Variants in CAMTA1 observed in about 807,000 individuals in gnomAD.
CAMTA1 encodes calmodulin-binding transcription activator 1.
In CAMTA1, 27 loss-of-function variants were observed where a neutral mutation model predicts 170.9. That is an observed-to-expected ratio of 0.16 (90% CI 0.12 to 0.22). The LOEUF is 0.22. CAMTA1 is among the 10% of genes least tolerant of loss of function. CAMTA1 has a pLI of 1.00. For missense variants in CAMTA1, 1,619 were observed against 2,217.2 expected, an observed-to-expected ratio of 0.73 and a Z score of 5.42; for synonymous variants, 833 against 891.5, an observed-to-expected ratio of 0.93 and a Z score of 1.17.
At chr1:6,866,452 T>C (rs1666602658) in intron 3 of CAMTA1, among the ~76,000 whole-genome samples, 1 of 152,142 alleles carries the variant, frequency 6.6e-6, no homozygotes, top group South Asian at 2.1e-4. Flanking sequence ...AAACAAGTAA[T>C]GTGGAAATAA....
In CAMTA1 at chr1:7,736,225, GT is replaced by G; in HGVS notation, c.3067-115del. On this transcript the variant is annotated intron_variant, in intron 12 of 22. Transcript: ENST00000303635. This position sits in a 1 kb window ranked among gnomAD's most constrained non-coding sequence, Gnocchi z 4.5. The stretch of plus-strand genomic sequence containing the variant: ...CAGCCAATGTTTCTTTATTTTCAGT[GT>G]TTTATGTTTTCCGTTGTGAGTTTCT... 1.2e-6 allele frequency: 1 copy of G among 864,520 alleles called. No homozygotes were observed. Among genetic ancestry groups the G allele is most frequent in the Non-Finnish European group, 1.8e-6 (1 of 556,496 alleles). The allele number at this position is 864,520 out of a possible 1,614,324, so 53.6% of individuals were successfully genotyped here. A position where few individuals can be genotyped will look rare whatever the true frequency, so the allele number is the denominator to read the frequency against.
rs144067001 is a variant in CAMTA1, at chr1:6,830,849, C to T, written c.234+5639C>T. On this transcript the variant is annotated intron_variant, in intron 3 of 22. Coordinates refer to ENST00000303635, the MANE Select transcript of CAMTA1 (RefSeq NM_015215.4). ...GTTTTGTTTTTTTGAGATGGAGTCT[C>T]ACTCTGTCGCCCAGGCTGGAGTGCA... 3.8e-3 allele frequency among the ~76,000 whole-genome samples: 577 copies of T among 152,036 alleles called. 6 individuals carry two copies. Among genetic ancestry groups the T allele is most frequent in the African/African-American group, 0.013 (536 of 41,456 alleles).
chr1:7,543,662 G>A (rs1474182545), intron 6 of CAMTA1, among the ~76,000 whole-genome samples: 1 of 152,168 alleles, frequency 6.6e-6, no homozygotes, highest in Non-Finnish European at 1.5e-5. Flanking sequence ...ATGAATCCGA[G>A]TTTTCTGAAA....
intron 5 of CAMTA1, among the ~76,000 whole-genome samples, chr1:7,331,078 A>G (rs2083000952): frequency 6.6e-6 from 1 of 152,188 alleles, no homozygotes. Context: ...CGTCTCTACT[A>G]AAAATACAAA....
chr1:6,825,993 C>T (rs1176369998), intron 3 of CAMTA1, among the ~76,000 whole-genome samples: 1 of 152,120 alleles, frequency 6.6e-6, no homozygotes, highest in East Asian at 1.9e-4. Flanking sequence ...GCTGGTTTTG[C>T]CAAGTTCCAT....
At chr1:7,745,216 T>C (rs534073763) in intron 17 of CAMTA1, among the ~76,000 whole-genome samples, 194 bp downstream of exon 17, 1 of 152,250 alleles carries the variant, frequency 6.6e-6, no homozygotes, top group East Asian at 1.9e-4. Context: ...TTTTTTTTAC[T>C]GCTATCAGAG....
chr1:6,868,483 C>A (rs1031550617), intron 3 of CAMTA1, among the ~76,000 whole-genome samples: 2 of 152,000 alleles, frequency 1.3e-5, no homozygotes, highest in Non-Finnish European at 2.9e-5. Context: ...TACAGTTCTT[C>A]CATGTATTTT....
chr1:7,457,343 C>T (rs1047486671), intron 5 of CAMTA1, among the ~76,000 whole-genome samples: 2 of 152,020 alleles, frequency 1.3e-5, no homozygotes, highest in Admixed American at 1.3e-4. Context: ...TCACTCATGT[C>T]GTCGTTAGGC....
intron 4 of CAMTA1, among the ~76,000 whole-genome samples, chr1:7,133,947 G>A (rs1348720188): frequency 2.6e-5 from 4 of 152,210 alleles, no homozygotes; most frequent in African/African-American, 9.6e-5. Context: ...GTGCATGTTT[G>A]TTACATGGGT....
intron 7 of CAMTA1, among the ~76,000 whole-genome samples, chr1:7,645,914 C>T (rs1292820150): frequency 6.6e-6 from 1 of 152,282 alleles, no homozygotes; most frequent in African/African-American, 2.4e-5. Flanking sequence ...ACACTTCCTC[C>T]AAAAGCAACC....
chr1:7,614,890 A>G (rs960846505), intron 6 of CAMTA1, among the ~76,000 whole-genome samples: 7 of 152,140 alleles, frequency 4.6e-5, no homozygotes, highest in African/African-American at 1.7e-4. Flanking sequence ...CTTGCCCATC[A>G]GATACTGCTG....
chr1:7,663,436 T>C lies in CAMTA1; in HGVS notation c.889T>C (p.Tyr297His). 1 of 1,574,680 alleles carries C rather than the reference T, an allele frequency of 6.4e-7. No individual in the cohort carries two copies. The highest frequency in any genetic ancestry group is 8.7e-7 in the Non-Finnish European group (1 of 1,154,942). The change falls in exon 9 of 23, where the codon TAC becomes CAC. Residue 297 changes from tyrosine (Y) to histidine (H), a missense_variant. Around this residue, in one of 8 missense-constraint regions of CAMTA1, gnomAD observed 731 missense variants for 907.6 expected, o/e 0.81. Transcript: ENST00000303635. ...SPKVEPRTGG[Y>H]GSHSEVQHND... ...CAAGGTGGAGCCACGGACAGGGGGG[T>C]ACGGGAGCCACTCGGAGGTGCAGCA...
intron 4 of CAMTA1, among the ~76,000 whole-genome samples, chr1:7,236,819 C>T (rs975594947): frequency 2.6e-5 from 4 of 152,184 alleles, no homozygotes; most frequent in East Asian, 3.8e-4. Context: ...CAGGCCATTC[C>T]GTGTTGGAAA....
At chr1:6,852,258 A>G (rs575793692) in intron 3 of CAMTA1, among the ~76,000 whole-genome samples, 40 of 152,334 alleles carry the variant, frequency 2.6e-4, no homozygotes, top group African/African-American at 9.6e-4. Flanking sequence ...AGAAAAAGCC[A>G]AAACCCCAAT....
At chr1:7,059,050 C>G (rs910415472) in intron 3 of CAMTA1, among the ~76,000 whole-genome samples, 7 of 152,194 alleles carry the variant, frequency 4.6e-5, no homozygotes, top group African/African-American at 1.7e-4. Context: ...GGTGCAACGT[C>G]TGGGCCACCA....
At chr1:7,719,316 G>C (rs2096634390) in intron 11 of CAMTA1, among the ~76,000 whole-genome samples, 3 of 152,166 alleles carry the variant, frequency 2.0e-5, no homozygotes, top group Admixed American at 1.3e-4. Flanking sequence ...CTCTAGTATT[G>C]AAAGATTTCA....
At chr1:6,905,227 C>G (rs1208665285) in intron 3 of CAMTA1, among the ~76,000 whole-genome samples, 2 of 88,906 alleles carry the variant, frequency 2.2e-5, no homozygotes, top group African/African-American at 4.8e-5. Context: ...GTGTTTTGTT[C>G]CTGTTGCCCA....
At chr1:7,223,993 G>A (rs1574010865) in intron 4 of CAMTA1, among the ~76,000 whole-genome samples, 1 of 152,210 alleles carries the variant, frequency 6.6e-6, no homozygotes, top group East Asian at 1.9e-4. Context: ...TGAATAACTC[G>A]ATCACCCCAG....
At chr1:7,350,299 C>T (rs2084560594) in intron 5 of CAMTA1, among the ~76,000 whole-genome samples, 1 of 152,186 alleles carries the variant, frequency 6.6e-6, no homozygotes, top group Non-Finnish European at 1.5e-5. Context: ...GGAGCAGGAG[C>T]CACAGAGAGA....
Sources: gnomAD v4.1 joint callset for allele counts (sites outside exome capture counted in the v4.1 genomes callset) on GRCh38, gnomAD v4.1.1 for gene constraint, gnomAD v4.1.1 regional missense constraint, Gnocchi (gnomAD v3.1) non-coding constraint, MANE v1.5 for transcripts, NCBI Gene and HGNC (gene_info 2026-07-23, HGNC 2026-07-21) for gene names.